The following PTAFR variants were observed in gnomAD, a reference collection of about 807,000 sequenced individuals.
The protein encoded by PTAFR is platelet-activating factor receptor.
PTAFR carries 8 observed loss-of-function variants against 14.7 expected under a neutral mutation model. The ratio of observed to expected loss-of-function variants is 0.54; its 90% CI spans 0.32 to 0.98. The LOEUF (loss-of-function observed/expected upper bound fraction) is 0.98. Ranked by LOEUF, PTAFR falls within the 50% of genes least tolerant of loss-of-function variation. The probability of loss-of-function intolerance (pLI) is 0.04; values close to 1 mark genes in which losing one functional copy is unlikely to be tolerated. For missense variants in PTAFR, 337 were observed against 451.2 expected (o/e 0.75, Z 2.29); for synonymous variants, 156 against 176.5 (o/e 0.88, Z 0.92).
At chr1:28,151,956 G>A (rs1000643954) in intron 1 of PTAFR, among the ~76,000 whole-genome samples, 14 of 151,874 alleles carry the variant, frequency 9.2e-5, no homozygotes, top group African/African-American at 3.1e-4. Context: ...GCAGTGGTGC[G>A]ATCACAGCTC....
At chr1:28,151,207 T>G in intron 1 of PTAFR, 148 bp from the exon 2 acceptor site, 1 of 585,894 alleles carries the variant, frequency 1.7e-6, no homozygotes, top group Non-Finnish European at 2.9e-6. Flanking sequence ...CAGATGGAGT[T>G]TCACTCTTGC....
chr1:28,175,704 G>A (rs1472552209), intron 1 of PTAFR, among the ~76,000 whole-genome samples: 1 of 151,968 alleles, frequency 6.6e-6, no homozygotes, highest in African/African-American at 2.4e-5. Context: ...ATAAGAACCT[G>A]GTTATTTTCA....
rs117376418 is a variant in PTAFR at position 28,150,938 on chromosome 1, G to A, written c.84C>T (p.Leu28=). The change falls in exon 2 of 2, where the codon CTC becomes CTT. Residue 28 remains leucine (L), a synonymous_variant. Transcript: ENST00000373857. This position sits in a 1 kb window ranked among gnomAD's most constrained non-coding sequence, Gnocchi z 6.3. The part of the protein sequence containing the change: ...FPIVYSIIFV[L]GVIANGYVLW... ...GCACGTAGCCATTAGCAATGACCCC[G>A]AGCACAAAGATGATGCTGTAAACAA... is the stretch of plus-strand genomic sequence containing the variant. The A allele has an allele frequency of 5.1e-4, 824 of 1,613,994 alleles. 8 individuals carry two copies. The East Asian group carries it at 0.017, about 34-fold the overall frequency.
At chr1:28,186,265 G>A (rs992079851) in intron 1 of PTAFR, among the ~76,000 whole-genome samples, 3 of 151,954 alleles carry the variant, frequency 2.0e-5, no homozygotes, top group African/African-American at 7.3e-5. Flanking sequence ...GATTACAGGC[G>A]TGAGCCACTG....
chr1:28,161,176 G>A (rs912933645), intron 1 of PTAFR, among the ~76,000 whole-genome samples: 3 of 152,112 alleles, frequency 2.0e-5, no homozygotes, highest in Admixed American at 6.6e-5. Flanking sequence ...AGCTCCACCC[G>A]CGGTCTGGTT....
At chr1:28,174,969 C>T (rs1350958909) in intron 1 of PTAFR, among the ~76,000 whole-genome samples, 2 of 152,196 alleles carry the variant, frequency 1.3e-5, no homozygotes, top group Non-Finnish European at 2.9e-5. Context: ...CTCTGTTGCC[C>T]AGGCTGGAGT....
At chr1:28,159,114 T>C (rs1484329151) in intron 1 of PTAFR, among the ~76,000 whole-genome samples, 2 of 152,102 alleles carry the variant, frequency 1.3e-5, no homozygotes, top group Non-Finnish European at 2.9e-5. Flanking sequence ...TCTGTCTTCA[T>C]GGAGAAGACA....
chr1:28,190,083 CT>C (rs1557700186), intron 1 of PTAFR, among the ~76,000 whole-genome samples: 2 of 152,244 alleles, frequency 1.3e-5, no homozygotes, highest in East Asian at 3.9e-4. Context: ...AGCGATTCTC[CT>C]GCCTCGGCCT....
At chr1:28,176,526 T>C (rs1490710209) in intron 1 of PTAFR, 66 bp downstream of exon 1, 1 of 152,400 alleles carries the variant, frequency 6.6e-6, no homozygotes, top group Non-Finnish European at 1.5e-5. Flanking sequence ...ATGACCTTGG[T>C]TTGCCTCCTG....
In PTAFR at chr1:28,149,623, C is replaced by A; in HGVS notation, c.*370G>T. ...CTGGGATTACAGGTGTGAGCCACTGCGCCCACTCCCCCAAAGCTTTAGACC... is the reference window on the plus strand; with the variant it reads ...CTGGGATTACAGGTGTGAGCCACTGAGCCCACTCCCCCAAAGCTTTAGACC... On this transcript the variant is annotated 3_prime_UTR_variant, in exon 2 of 2. Coordinates refer to ENST00000373857, the MANE Select transcript of PTAFR (RefSeq NM_000952.5). The A allele has an allele frequency of 4.7e-6, 1 of 213,148 alleles. No homozygotes were observed. 13.2% of individuals were successfully genotyped at this position (213,148 alleles called of 1,614,324 possible).
chr1:28,180,838 G>A (rs1646556301), upstream of PTAFR, among the ~76,000 whole-genome samples: 1 of 149,602 alleles, frequency 6.7e-6, no homozygotes, highest in Non-Finnish European at 1.5e-5. Context: ...GAGAGAGAAA[G>A]TAAAGAAAAA....
Position 28,149,912 on chromosome 1 carries a change from G to C in PTAFR, c.*81C>G. ...CCAGTGCCCACAGAGGTGGTGCCCA[G>C]ACCACAGTAGATATCCCTTCTTCCC... On this transcript the variant is annotated 3_prime_UTR_variant, in exon 2 of 2. Transcript: ENST00000373857. 6.6e-7 allele frequency: 1 copy of C among 1,511,288 alleles called. No homozygotes were observed. The allele number at this position is 1,511,288 out of a possible 1,614,324, so 93.6% of individuals were successfully genotyped here. A position where few individuals can be genotyped will look rare whatever the true frequency, so the allele number is the denominator to read the frequency against.
chr1:28,156,059 C>T (rs1475813441), intron 1 of PTAFR, among the ~76,000 whole-genome samples: 4 of 150,416 alleles, frequency 2.7e-5, no homozygotes, highest in Admixed American at 2.0e-4. Flanking sequence ...GTCAGGAGTT[C>T]GAGACCAGCC....
At chr1:28,162,969 C>T (rs1646342630) in intron 1 of PTAFR, among the ~76,000 whole-genome samples, 1 of 152,144 alleles carries the variant, frequency 6.6e-6, no homozygotes, top group Non-Finnish European at 1.5e-5. Flanking sequence ...TTCCGTGGCT[C>T]CCCTGGCCCA....
Position 28,147,392 on chromosome 1 carries a change from C to T in PTAFR, c.*2601G>A, listed in dbSNP as rs1488353362. ...TCCTGACAAGGGACGCTCACAGGGC[C>T]TAAAGGAAGAGTGCTGGGCCCCTGG... On this transcript the variant is annotated 3_prime_UTR_variant, in exon 2 of 2. Coordinates refer to ENST00000373857, the MANE Select transcript of PTAFR (RefSeq NM_000952.5). 2.0e-5 allele frequency: 3 copies of T among 152,116 alleles called. No individual in the cohort carries two copies. The highest frequency in any genetic ancestry group is 4.4e-5 in the Non-Finnish European group (3 of 68,040). The allele number at this position is 152,116 out of a possible 1,614,324, so 9.4% of individuals were successfully genotyped here.
chr1:28,184,442 C>T (rs116488249), intron 1 of PTAFR, among the ~76,000 whole-genome samples: 2,658 of 152,210 alleles, frequency 0.017, 79 homozygotes, highest in African/African-American at 0.061. Context: ...ACATCAGTCA[C>T]ATCACATCAC....
intron 1 of PTAFR, among the ~76,000 whole-genome samples, chr1:28,173,362 T>C (rs1214642738): frequency 1.3e-5 from 2 of 150,974 alleles, no homozygotes; most frequent in East Asian, 3.9e-4. Context: ...TCCCAGCACT[T>C]TGGGAGGCCA....
chr1:28,153,312 C>A (rs1646217331), intron 1 of PTAFR, among the ~76,000 whole-genome samples: 1 of 152,170 alleles, frequency 6.6e-6, no homozygotes, highest in African/African-American at 2.4e-5. Flanking sequence ...GCTGTCATTG[C>A]AAGCTCCTAG....
chr1:28,154,081 GAAAAAAAAAAAAAA>G (rs71586829), intron 1 of PTAFR, among the ~76,000 whole-genome samples: 2 of 55,518 alleles, frequency 3.6e-5, no homozygotes, highest in East Asian at 5.9e-4. Context: ...CCTTGTCTCA[GAAAAAAAAAAAAAA>G]AAAAAAAAAA....
Sources: gnomAD v4.1 joint callset for allele counts (sites outside exome capture counted in the v4.1 genomes callset) on GRCh38, gnomAD v4.1.1 for gene constraint, Gnocchi (gnomAD v3.1) non-coding constraint, MANE v1.5 for transcripts, NCBI Gene and HGNC (gene_info 2026-07-23, HGNC 2026-07-21) for gene names.